The following GPR158 variants were observed in gnomAD, a reference collection of about 807,000 sequenced individuals.
GPR158 encodes G protein-coupled receptor 158, also known as metabotropic glycine receptor.
A neutral mutation model predicts 78.2 loss-of-function variants in GPR158; 30 were observed. That is an observed-to-expected ratio of 0.38 (90% CI 0.29 to 0.52). The LOEUF (loss-of-function observed/expected upper bound fraction) is 0.52. GPR158 is among the 20% of genes least tolerant of loss of function. The pLI, the probability that GPR158 is intolerant of heterozygous loss-of-function variation, is 0.83. For missense variants in GPR158, 1,463 were observed against 1,523.5 expected, an observed-to-expected ratio of 0.96 and a Z score of 0.66; for synonymous variants, 581 against 591.1, an observed-to-expected ratio of 0.98 and a Z score of 0.25.
intron 5 of GPR158, among the ~76,000 whole-genome samples, chr10:25,546,636 T>G (rs927060935): frequency 1.1e-4 from 17 of 152,194 alleles, no homozygotes; most frequent in Non-Finnish European, 2.1e-4. Flanking sequence ...AAGAAATATT[T>G]ACTGAGCACT....
chr10:25,182,680 G>A (rs1024957704), intron 1 of GPR158, among the ~76,000 whole-genome samples: 2 of 152,180 alleles, frequency 1.3e-5, no homozygotes, highest in Non-Finnish European at 2.9e-5. Context: ...ACATGGTTCA[G>A]ATTTTAAGGC....
intron 1 of GPR158, among the ~76,000 whole-genome samples, chr10:25,213,229 T>G (rs1853159673): frequency 6.6e-6 from 1 of 152,182 alleles, no homozygotes; most frequent in Non-Finnish European, 1.5e-5. Flanking sequence ...ACAGTAAGCA[T>G]TCTTGCCTTA....
intron 1 of GPR158, among the ~76,000 whole-genome samples, chr10:25,208,774 A>AGC (rs1276884129): frequency 6.6e-6 from 1 of 151,790 alleles, no homozygotes; most frequent in African/African-American, 2.4e-5. Context: ...AACCCACTAG[A>AGC]GCACAGGTTT....
chr10:25,289,682 A>T (rs1470105354), intron 2 of GPR158, among the ~76,000 whole-genome samples: 2 of 152,076 alleles, frequency 1.3e-5, no homozygotes, highest in Non-Finnish European at 2.9e-5. Context: ...TGCCTCCCAA[A>T]GTGCTGAAAT....
At position 25,594,379 on chromosome 10, in the gene GPR158, G is replaced by A. The variant is rs761150864; in HGVS notation, c.1980G>A (p.Gly660=). Residue 660 remains glycine, a synonymous_variant, in exon 9 of 11, where the codon GGG becomes GGA. Transcript: ENST00000376351. ...ATTTGACTGTGACAGTCACCATTGG[G>A]TTGCTTTTGATTCCAAAGGTATTCT... ...HTHLTVTVTI[G]LLLIPKFSHS... 2 of 1,538,830 alleles carry A rather than the reference G, an allele frequency of 1.3e-6. No homozygotes were observed. The highest frequency in any genetic ancestry group is 2.3e-5 in the South Asian group (2 of 86,932).
chr10:25,575,896 T>C (rs1837087214), intron 7 of GPR158, among the ~76,000 whole-genome samples: 1 of 152,136 alleles, frequency 6.6e-6, no homozygotes, highest in African/African-American at 2.4e-5. Flanking sequence ...TCTTTTCTCC[T>C]TCATATTATC....
chr10:25,198,111 C>A (rs1263503285), intron 1 of GPR158, among the ~76,000 whole-genome samples: 1 of 152,210 alleles, frequency 6.6e-6, no homozygotes, highest in African/African-American at 2.4e-5. Context: ...AAGAGATGTG[C>A]TGCATTTAAC....
intron 1 of GPR158, among the ~76,000 whole-genome samples, chr10:25,207,775 C>A (rs1853064984): frequency 6.6e-6 from 1 of 152,100 alleles, no homozygotes; most frequent in Non-Finnish European, 1.5e-5. Context: ...TATGATTCTA[C>A]TTAAAGAATC....
intron 2 of GPR158, among the ~76,000 whole-genome samples, chr10:25,371,966 G>T (rs1243148897): frequency 1.3e-5 from 2 of 150,874 alleles, no homozygotes; most frequent in African/African-American, 4.9e-5. Flanking sequence ...ATCTGACAAA[G>T]GGCTAATATC....
chr10:25,566,387 A>G (rs2130726443), intron 6 of GPR158, among the ~76,000 whole-genome samples: 1 of 152,276 alleles, frequency 6.6e-6, no homozygotes, highest in South Asian at 2.1e-4. Flanking sequence ...GCAGGAAATG[A>G]GTGAGTTTCA....
At chr10:25,210,069 A>C in intron 1 of GPR158, among the ~76,000 whole-genome samples, 1 of 152,212 alleles carries the variant, frequency 6.6e-6, no homozygotes, top group East Asian at 1.9e-4. Context: ...TGAATCTAGA[A>C]TCTTCAGTTA....
chr10:25,433,576 C>T (rs201081946), intron 4 of GPR158, among the ~76,000 whole-genome samples: 1,379 of 115,862 alleles, frequency 0.012, 23 homozygotes, highest in African/African-American at 0.042. Flanking sequence ...TGTGTGCGCG[C>T]GCGCGTGCGC....
chr10:25,342,470 C>G (rs947894785), intron 2 of GPR158, among the ~76,000 whole-genome samples: 14 of 152,020 alleles, frequency 9.2e-5, no homozygotes, highest in African/African-American at 3.4e-4. Context: ...TTATTTTTAA[C>G]AACTCTATTA....
At chr10:25,249,626 G>A (rs1468247102) in intron 2 of GPR158, among the ~76,000 whole-genome samples, 18 of 151,102 alleles carry the variant, frequency 1.2e-4, no homozygotes, top group African/African-American at 1.7e-4. Flanking sequence ...ATTGATTTGC[G>A]TATATTGAAC....
At chr10:25,426,880 T>C (rs1208865660) in intron 4 of GPR158, among the ~76,000 whole-genome samples, 2 of 152,084 alleles carry the variant, frequency 1.3e-5, no homozygotes, top group African/African-American at 4.8e-5. Context: ...TGGAGTGCAA[T>C]AAAGTGAAGC....
chr10:25,391,689 A>G (rs1588841911), intron 2 of GPR158, among the ~76,000 whole-genome samples: 1 of 152,166 alleles, frequency 6.6e-6, no homozygotes, highest in African/African-American at 2.4e-5. Flanking sequence ...ACCTTGTCCC[A>G]GATTAGACAT....
At chr10:25,552,122 T>C (rs1836733654) in intron 6 of GPR158, among the ~76,000 whole-genome samples, 2 of 152,128 alleles carry the variant, frequency 1.3e-5, no homozygotes, top group Admixed American at 1.3e-4. Context: ...TCCCTTCTTA[T>C]ATATGCGGTA....
intron 5 of GPR158, among the ~76,000 whole-genome samples, chr10:25,489,027 A>G (rs773286024): frequency 2.0e-5 from 3 of 152,162 alleles, no homozygotes; most frequent in Non-Finnish European, 4.4e-5. Context: ...ACAAATTGCT[A>G]ATTTTAATGT....
At chr10:25,197,990 A>AACC in intron 1 of GPR158, among the ~76,000 whole-genome samples, 1 of 152,290 alleles carries the variant, frequency 6.6e-6, no homozygotes, top group East Asian at 1.9e-4. Flanking sequence ...AGTGAAGGAA[A>AACC]ACCACAAAAA....
Sources: gnomAD v4.1 joint callset for allele counts (sites outside exome capture counted in the v4.1 genomes callset) on GRCh38, gnomAD v4.1.1 for gene constraint, MANE v1.5 for transcripts, NCBI Gene and HGNC (gene_info 2026-07-23, HGNC 2026-07-21) for gene names.